LRBA: variants seen among roughly 807,000 people sequenced by gnomAD.
The protein encoded by LRBA is lipopolysaccharide-responsive and beige-like anchor protein.
A neutral mutation model predicts 330.0 loss-of-function variants in LRBA; 176 were observed. The ratio of observed to expected loss-of-function variants is 0.53; its 90% CI spans 0.47 to 0.60. The LOEUF is 0.60. Ranked by LOEUF, LRBA falls within the 20% of genes least tolerant of loss-of-function variation. The pLI is 0.00. For synonymous variants in LRBA, 1,230 were observed against 1,193.0 expected (o/e 1.03, Z -0.64); for missense variants, 3,259 against 3,444.8 (o/e 0.95, Z 1.35).
chr4:150,316,661 TG>T (rs1731763043), intron 50 of LRBA, among the ~76,000 whole-genome samples: 1 of 152,190 alleles, frequency 6.6e-6, no homozygotes, highest in Non-Finnish European at 1.5e-5. Context: ...CTCTGCTTAA[TG>T]CCATTGATAC....
At chr4:150,418,143 A>T (rs1433025981) in intron 46 of LRBA, among the ~76,000 whole-genome samples, 2 of 151,786 alleles carry the variant, frequency 1.3e-5, no homozygotes, top group Admixed American at 6.6e-5. Flanking sequence ...TTAGCCTCCC[A>T]AGTGGCTAGG....
chr4:150,969,515 T>C (rs1046780650), intron 2 of LRBA, among the ~76,000 whole-genome samples: 1 of 152,202 alleles, frequency 6.6e-6, no homozygotes, highest in African/African-American at 2.4e-5. Flanking sequence ...GCACCCAGGC[T>C]GGAGTGCAGT....
intron 46 of LRBA, among the ~76,000 whole-genome samples, chr4:150,425,416 G>C (rs1749445752): frequency 6.6e-6 from 1 of 152,132 alleles, no homozygotes; most frequent in Admixed American, 6.5e-5. Context: ...GGGTCTTAGA[G>C]GCAGGTAACA....
chr4:150,927,246 G>A lies in LRBA; in HGVS notation c.549+1270C>T, dbSNP rs189290100. Among the ~76,000 whole-genome samples, 19 of 151,748 alleles carry A rather than the reference G, an allele frequency of 1.3e-4. No homozygotes were observed. The East Asian group carries it at 1.9e-3, about 16-fold the overall frequency. On this transcript the variant is annotated intron_variant, in intron 4 of 56. Transcript: ENST00000651943. ...AAATTAGCCGCACTTGGTGGCATAC[G>A]CCTGTAGTCCCAGCTACTTGGGAGG...
At chr4:150,967,957 C>T (rs1049896292) in intron 2 of LRBA, among the ~76,000 whole-genome samples, 1 of 151,834 alleles carries the variant, frequency 6.6e-6, no homozygotes, top group South Asian at 2.1e-4. Flanking sequence ...ATTAATAAAC[C>T]TACAATGGCC....
Position 150,654,869 on chromosome 4 carries a change from T to C in LRBA, c.5921+28682A>G, listed in dbSNP as rs13109702. Among the ~76,000 whole-genome samples the C allele has an allele frequency of 7.7e-3, 1,169 of 152,008 alleles. 4 individuals carry two copies. Among genetic ancestry groups the C allele is most frequent in the Non-Finnish European group, 0.013 (862 of 67,996 alleles). Reference sequence around the variant, plus strand: ...TCATCCATGTCCCTACAAAGGACATTAACTCATCCTTTTTTATGGCTGCAT... The same window carrying C: ...TCATCCATGTCCCTACAAAGGACATCAACTCATCCTTTTTTATGGCTGCAT... On this transcript the variant is annotated intron_variant, in intron 37 of 56. Transcript: ENST00000651943.
intron 47 of LRBA, among the ~76,000 whole-genome samples, chr4:150,397,235 CATT>C (rs1744854918): frequency 6.6e-6 from 1 of 152,074 alleles, no homozygotes; most frequent in African/African-American, 2.4e-5. Flanking sequence ...ATTTTCCTCT[CATT>C]AAGTGCATAT....
intron 2 of LRBA, among the ~76,000 whole-genome samples, chr4:150,941,005 C>T (rs569954950): frequency 7.9e-5 from 12 of 152,082 alleles, no homozygotes; most frequent in South Asian, 4.2e-4. Context: ...TCATGCTGTG[C>T]TGCTTTTTTA....
chr4:150,885,638 A>G (rs1728869729), intron 17 of LRBA, among the ~76,000 whole-genome samples: 1 of 152,096 alleles, frequency 6.6e-6, no homozygotes, highest in Non-Finnish European at 1.5e-5. Flanking sequence ...AAAGTGAATC[A>G]CAACTAAACA....
chr4:150,648,706 C>T (rs749765546), intron 37 of LRBA, among the ~76,000 whole-genome samples: 30 of 151,998 alleles, frequency 2.0e-4, no homozygotes, highest in Non-Finnish European at 3.7e-4. Flanking sequence ...TTTTAGAAAA[C>T]GTTGGCAATA....
intron 48 of LRBA, among the ~76,000 whole-genome samples, chr4:150,331,145 G>A (rs17588629): frequency 0.2 from 29,811 of 152,022 alleles, 3,120 homozygotes; most frequent in East Asian, 0.26. Flanking sequence ...AAGGTCAAGT[G>A]AGAAATCCTG....
At chr4:150,835,084 T>C (rs1747821286) in intron 28 of LRBA, among the ~76,000 whole-genome samples, 2 of 152,220 alleles carry the variant, frequency 1.3e-5, no homozygotes, top group South Asian at 2.1e-4. Flanking sequence ...TTTCTTGTTT[T>C]TGTCAGGTTT....
intron 53 of LRBA, among the ~76,000 whole-genome samples, chr4:150,293,664 C>T (rs1043928543): frequency 1.3e-5 from 2 of 152,210 alleles, no homozygotes; most frequent in Non-Finnish European, 2.9e-5. Flanking sequence ...CCTCTTCTCT[C>T]TATGATACAT....
intron 39 of LRBA, among the ~76,000 whole-genome samples, 167 bp downstream of exon 39, chr4:150,590,545 GA>G (rs1412207338): frequency 2.0e-5 from 3 of 151,990 alleles, no homozygotes. Flanking sequence ...GAATAGAATA[GA>G]AAAATAAAGG....
intron 50 of LRBA, among the ~76,000 whole-genome samples, chr4:150,318,480 T>C (rs533925776): frequency 6.6e-6 from 1 of 152,276 alleles, no homozygotes; most frequent in East Asian, 1.9e-4. Flanking sequence ...GGATTTGATA[T>C]TTACCAAAGA....
rs922385358 is a variant in LRBA at position 150,384,237 on chromosome 4, C to T, written c.7194+31201G>A. Among the ~76,000 whole-genome samples the T allele has an allele frequency of 4.0e-5, 6 of 151,840 alleles. 1 individual carries two copies. The highest frequency in any genetic ancestry group is 2.0e-4 in the Admixed American group (3 of 15,248). On this transcript the variant is annotated intron_variant, in intron 47 of 56. Transcript: ENST00000651943. ...ATTTTTAGTAGAGATGGGGTTCCTC[C>T]GTGTTGGTTGGACTGGTCTTGAACT... is the stretch of plus-strand genomic sequence containing the variant.
chr4:150,919,893 AT>A (rs1367914493), intron 5 of LRBA, among the ~76,000 whole-genome samples: 2 of 152,220 alleles, frequency 1.3e-5, no homozygotes, highest in Non-Finnish European at 2.9e-5. Flanking sequence ...AGAACTGTAA[AT>A]AATAAAATTA....
rs183845610 is a variant in LRBA at position 150,657,198 on chromosome 4, T to G, written c.5921+26353A>C. On this transcript the variant is annotated intron_variant, in intron 37 of 56. Transcript: ENST00000651943. ...AGACTTCCCTTACGAAGGAGACATG[T>G]TTTTGTTTTTCTAGTTTTGTTTTTA... Among the ~76,000 whole-genome samples the G allele has an allele frequency of 4.5e-4, 68 of 152,340 alleles. 1 individual carries two copies. Among genetic ancestry groups the G allele is most frequent in the Admixed American group, 3.9e-3 (59 of 15,310 alleles).
At chr4:150,360,161 A>T (rs543630416) in intron 47 of LRBA, among the ~76,000 whole-genome samples, 52 of 151,968 alleles carry the variant, frequency 3.4e-4, no homozygotes, top group African/African-American at 7.0e-4. Flanking sequence ...TTTATAAAAA[A>T]TTTTTTTTAA....
Sources: allele counts gnomAD v4.1 joint callset (sites outside exome capture counted in the v4.1 genomes callset), GRCh38; gene constraint gnomAD v4.1.1; transcripts MANE v1.5; gene names NCBI Gene and HGNC (gene_info 2026-07-23, HGNC 2026-07-21).